The following THSD7A variants were observed in gnomAD, a reference collection of about 807,000 sequenced individuals.
THSD7A encodes thrombospondin type-1 domain-containing protein 7A.
A neutral mutation model predicts 231.3 loss-of-function variants in THSD7A; 96 were observed. The observed-to-expected ratio is 0.41, with a 90% CI of 0.35 to 0.49. The LOEUF is 0.49. Ranked by LOEUF, THSD7A falls within the 20% of genes least tolerant of loss-of-function variation. The pLI, the probability that THSD7A is intolerant of heterozygous loss-of-function variation, is 0.05. For missense variants in THSD7A, 2,290 were observed against 2,070.2 expected, an observed-to-expected ratio of 1.11 and a Z score of -2.06; for synonymous variants, 940 against 743.3, an observed-to-expected ratio of 1.26 and a Z score of -4.30.
At chr7:11,399,348 T>C (rs1005289717) in intron 23 of THSD7A, among the ~76,000 whole-genome samples, 1 of 152,234 alleles carries the variant, frequency 6.6e-6, no homozygotes. Flanking sequence ...TTCTAAACTT[T>C]ATTTTATTTA....
chr7:11,398,215 G>A (rs1452422487), intron 23 of THSD7A, among the ~76,000 whole-genome samples: 1 of 152,150 alleles, frequency 6.6e-6, no homozygotes, highest in Non-Finnish European at 1.5e-5. Context: ...CATAAAAAAG[G>A]ATGAGTTCAT....
At chr7:11,721,044 C>A (rs1293657134) in intron 1 of THSD7A, among the ~76,000 whole-genome samples, 1 of 151,706 alleles carries the variant, frequency 6.6e-6, no homozygotes, top group Non-Finnish European at 1.5e-5. Context: ...TACACATATG[C>A]CTCTCAGGTT....
At chr7:11,760,321 G>A (rs1178064873) in intron 1 of THSD7A, among the ~76,000 whole-genome samples, 4 of 152,112 alleles carry the variant, frequency 2.6e-5, no homozygotes, top group East Asian at 3.9e-4. Context: ...ATTCAGTAAC[G>A]TTTAATAGAT....
At chr7:11,672,447 T>A (rs943581885) in intron 1 of THSD7A, among the ~76,000 whole-genome samples, 1 of 152,148 alleles carries the variant, frequency 6.6e-6, no homozygotes, top group South Asian at 2.1e-4. Flanking sequence ...TGGATTATGT[T>A]CTATCATACA....
At chr7:11,385,593 TTA>T (rs1416237291) in intron 23 of THSD7A, 1 of 151,112 alleles carries the variant, frequency 6.6e-6, no homozygotes. Flanking sequence ...TAATATTTGG[TTA>T]TCTTTGTATT....
intron 1 of THSD7A, among the ~76,000 whole-genome samples, chr7:11,761,871 C>A (rs1782873909): frequency 6.6e-6 from 1 of 151,920 alleles, no homozygotes; most frequent in Admixed American, 6.6e-5. Context: ...GACATAGTAC[C>A]CAATAAGTAG....
At chr7:11,387,475 T>C (rs886370066) in intron 23 of THSD7A, among the ~76,000 whole-genome samples, 2 of 152,212 alleles carry the variant, frequency 1.3e-5, no homozygotes, top group South Asian at 2.1e-4. Flanking sequence ...TTTGTAGCAA[T>C]TGTGAATGGA....
At chr7:11,465,145 T>TA (rs888001818) in intron 9 of THSD7A, among the ~76,000 whole-genome samples, 9 of 152,168 alleles carry the variant, frequency 5.9e-5, no homozygotes, top group African/African-American at 1.2e-4. Flanking sequence ...TCACATATAG[T>TA]AAGTGCTTAA....
intron 5 of THSD7A, 134 bp from the exon 6 acceptor site, chr7:11,541,765 A>T: frequency 1.3e-6 from 1 of 756,982 alleles, no homozygotes; most frequent in Non-Finnish European, 2.2e-6. Context: ...TCACTGGTGT[A>T]TCCCCAAACT....
At chr7:11,420,605 G>T (rs765483398) in intron 16 of THSD7A, among the ~76,000 whole-genome samples, 1 of 152,218 alleles carries the variant, frequency 6.6e-6, no homozygotes, top group Non-Finnish European at 1.5e-5. Flanking sequence ...GAAATGTGGG[G>T]TTGGGCCCCC....
intron 6 of THSD7A, among the ~76,000 whole-genome samples, chr7:11,489,171 G>A (rs980987852): frequency 2.0e-5 from 3 of 152,184 alleles, no homozygotes; most frequent in Middle Eastern, 3.4e-3. Flanking sequence ...GAGTTTCACA[G>A]TAAATATTTG....
At chr7:11,594,831 A>G (rs1780300993) in intron 2 of THSD7A, among the ~76,000 whole-genome samples, 1 of 152,214 alleles carries the variant, frequency 6.6e-6, no homozygotes. Flanking sequence ...TGAGTGGGTC[A>G]TCTGCAAGGA....
At chr7:11,440,265 A>G (rs1326724161) in intron 13 of THSD7A, among the ~76,000 whole-genome samples, 1 of 152,064 alleles carries the variant, frequency 6.6e-6, no homozygotes, top group Non-Finnish European at 1.5e-5. Context: ...GTTCTTATTG[A>G]CAACGCATGT....
intron 4 of THSD7A, among the ~76,000 whole-genome samples, chr7:11,553,528 T>G (rs553858837): frequency 2.0e-5 from 3 of 152,094 alleles, no homozygotes; most frequent in African/African-American, 7.2e-5. Context: ...GTTCTTACTC[T>G]TGTATAATTT....
chr7:11,625,624 A>AAAATAAGAT (rs1299720698), intron 2 of THSD7A, among the ~76,000 whole-genome samples: 1 of 151,984 alleles, frequency 6.6e-6, no homozygotes, highest in Non-Finnish European at 1.5e-5. Context: ...TAAAAAGAAG[A>AAAATAAGAT]AAATAAGATA....
intron 1 of THSD7A, among the ~76,000 whole-genome samples, chr7:11,678,208 A>T (rs1783719401): frequency 6.6e-6 from 1 of 152,212 alleles, no homozygotes; most frequent in Non-Finnish European, 1.5e-5. Flanking sequence ...TCTAGAGGAA[A>T]ATTTATAGCA....
chr7:11,457,821 TC>T (rs1785359979), intron 11 of THSD7A, among the ~76,000 whole-genome samples: 2 of 152,218 alleles, frequency 1.3e-5, no homozygotes, highest in Non-Finnish European at 2.9e-5. Context: ...TATTCTTTTA[TC>T]CTCTCTACTT....
intron 1 of THSD7A, among the ~76,000 whole-genome samples, chr7:11,668,238 G>A (rs1020036082): frequency 2.6e-5 from 4 of 152,212 alleles, no homozygotes; most frequent in East Asian, 1.9e-4. Flanking sequence ...CCAACGTGAT[G>A]AAACCCTGTC....
At position 11,634,372 on chromosome 7, in the gene THSD7A, TCAA is replaced by T. The variant is rs1781759727; in HGVS notation, c.1022+1755_1022+1757del. ...CCTAATTACACTTTTAATTGAGTAGTCAACGTTAAATTAAATGTCTACAGCATG... is the reference window on the plus strand; with the variant it reads ...CCTAATTACACTTTTAATTGAGTAGTCGTTAAATTAAATGTCTACAGCATG... On this transcript the variant is annotated intron_variant, in intron 2 of 27. Coordinates refer to ENST00000423059, the MANE Select transcript of THSD7A (RefSeq NM_015204.3). The surrounding 1 kb of genome is among the most constrained non-coding windows in gnomAD (Gnocchi z 4.1). 6.6e-6 allele frequency among the ~76,000 whole-genome samples: 1 copy of T among 152,158 alleles called. No homozygotes were observed. The highest frequency in any genetic ancestry group is 1.5e-5 in the Non-Finnish European group (1 of 68,028).
Sources: gnomAD v4.1 joint callset for allele counts (sites outside exome capture counted in the v4.1 genomes callset) on GRCh38, gnomAD v4.1.1 for gene constraint, Gnocchi (gnomAD v3.1) non-coding constraint, MANE v1.5 for transcripts, NCBI Gene and HGNC (gene_info 2026-07-23, HGNC 2026-07-21) for gene names.